EDN3: variants seen among roughly 807,000 people sequenced by gnomAD.
EDN3 encodes the protein endothelin-3.
A neutral mutation model predicts 21.4 loss-of-function variants in EDN3; 9 were observed. The ratio of observed to expected loss-of-function variants is 0.42; its 90% CI spans 0.25 to 0.73. The LOEUF (loss-of-function observed/expected upper bound fraction) is 0.73, where lower values mean the gene tolerates loss of function less well. EDN3 is among the 30% of genes least tolerant of loss of function. The pLI is 0.26. For synonymous variants in EDN3, 133 were observed against 126.2 expected (o/e 1.05, Z -0.36); for missense variants, 327 against 309.4 (o/e 1.06, Z -0.43).
chr20:59,311,889 C>A (rs1600735920), intron 2 of EDN3, among the ~76,000 whole-genome samples: 1 of 152,202 alleles, frequency 6.6e-6, no homozygotes, highest in East Asian at 1.9e-4. Context: ...GGAAGATGAG[C>A]GTATCTTTAC....
At position 59,301,311 on chromosome 20, in the gene EDN3, A is replaced by G. The variant is rs942383705; in HGVS notation, c.53-99A>G. ...GCAGAGCTTTGGAAACTTTGCAGAC[A>G]TTTTGCTTGCTCCACCCCCCTCCTC... is the stretch of plus-strand genomic sequence containing the variant. On this transcript the variant is annotated intron_variant, in intron 1 of 4. Transcript: ENST00000337938. The G allele has an allele frequency of 2.1e-5, 30 of 1,406,664 alleles. No individual in the cohort carries two copies. The Admixed American group carries it at 3.2e-4, about 15-fold the overall frequency. The allele number at this position is 1,406,664 out of a possible 1,614,324, so 87.1% of individuals were successfully genotyped here.
chr20:59,302,811 G>T (rs1317881245), intron 2 of EDN3, among the ~76,000 whole-genome samples: 1 of 152,146 alleles, frequency 6.6e-6, no homozygotes, highest in African/African-American at 2.4e-5. Flanking sequence ...CTTGATTCAG[G>T]TTCCTCACGG....
At chr20:59,321,668 C>A (rs1447311248) in intron 3 of EDN3, among the ~76,000 whole-genome samples, 1 of 152,180 alleles carries the variant, frequency 6.6e-6, no homozygotes, top group African/African-American at 2.4e-5. Flanking sequence ...TCTTTGGCCA[C>A]CCTCAGCTGG....
chr20:59,312,301 T>G (rs1193225339), intron 2 of EDN3, among the ~76,000 whole-genome samples: 2 of 152,220 alleles, frequency 1.3e-5, no homozygotes, highest in East Asian at 3.8e-4. Context: ...GGAGGGAAAC[T>G]GCTAATCTGT....
intron 2 of EDN3, among the ~76,000 whole-genome samples, chr20:59,307,151 A>T (rs2146834007): frequency 6.6e-6 from 1 of 152,298 alleles, no homozygotes; most frequent in Non-Finnish European, 1.5e-5. Context: ...TCTCAAAAAA[A>T]CAAAAGTCAC....
chr20:59,323,864 A>G, intron 4 of EDN3: 1 of 484,618 alleles, frequency 2.1e-6, no homozygotes. Flanking sequence ...AAAAGATGCA[A>G]TTGGTGGTGC....
rs997731228 is a variant in EDN3, at chr20:59,324,706, A to G, written c.*247A>G. 1.8e-6 allele frequency: 1 copy of G among 557,232 alleles called. No homozygotes were observed. Among genetic ancestry groups the G allele is most frequent in the South Asian group, 2.2e-5 (1 of 46,350 alleles). 34.5% of individuals were successfully genotyped at this position (557,232 alleles called of 1,614,324 possible). A position where few individuals can be genotyped will look rare whatever the true frequency, so the allele number is the denominator to read the frequency against. On this transcript the variant is annotated 3_prime_UTR_variant, in exon 5 of 5. Coordinates refer to ENST00000337938, the MANE Select transcript of EDN3 (RefSeq NM_207034.3). ...GCATGACGCCTGCAGCTCCGGTTTC[A>G]TGCAGGAAATTGGTTTTGGAGAGTT...
At chr20:59,306,209 G>T (rs978262913) in intron 2 of EDN3, among the ~76,000 whole-genome samples, 18 of 152,196 alleles carry the variant, frequency 1.2e-4, no homozygotes, top group African/African-American at 4.1e-4. Flanking sequence ...ACACACATGG[G>T]CTGGCAGATA....
chr20:59,306,423 C>T (rs1989411741), intron 2 of EDN3, among the ~76,000 whole-genome samples: 2 of 152,026 alleles, frequency 1.3e-5, no homozygotes, highest in Non-Finnish European at 2.9e-5. Context: ...CAGACATCAG[C>T]CGCTCCAGGA....
In EDN3 at chr20:59,313,814, C is replaced by T. The variant is rs368239697; in HGVS notation, c.366-7203C>T. 7.2e-5 allele frequency among the ~76,000 whole-genome samples: 11 copies of T among 152,292 alleles called. No individual in the cohort carries two copies. The East Asian group carries it at 9.6e-4, about 13-fold the overall frequency. ...TATAATATTCTTTAGAACCAGAAAG[C>T]GCCTGTGTGTGTTCTCTGCTTATAT... On this transcript the variant is annotated intron_variant, in intron 2 of 4. Coordinates refer to ENST00000337938, the MANE Select transcript of EDN3 (RefSeq NM_207034.3).
chr20:59,301,643 C>A lies in EDN3; in HGVS notation c.286C>A (p.Arg96Ser). The change falls in exon 2 of 5, where the codon CGC (arginine) becomes AGC (serine). Residue 96 changes from arginine (R) to serine (S), a missense_variant. Arg to Ser is a moderately radical substitution (Grantham distance 110). Transcript: ENST00000337938. ...EGAPEHHRSR[R>S]CTCFTYKDKE... ...GGCCCCTGAGCACCACCGATCCAGG[C>A]GCTGCACGTGCTTCACCTACAAGGA... The A allele has an allele frequency of 1.2e-6, 2 of 1,614,196 alleles. No homozygotes were observed. Among genetic ancestry groups the A allele is most frequent in the Non-Finnish European group, 1.7e-6 (2 of 1,180,032 alleles).
At chr20:59,300,907 A>C (rs1988960193) in intron 1 of EDN3, 43 bp downstream of exon 1, 2 of 1,603,422 alleles carry the variant, frequency 1.2e-6, no homozygotes, top group African/African-American at 1.3e-5. Flanking sequence ...GCGAGCGCAC[A>C]CAAAAGGACC....
chr20:59,301,635 G>A lies in EDN3; in HGVS notation c.278G>A (p.Arg93Gln), dbSNP rs752720292. ...GCCGAGGGGGCCCCTGAGCACCACC[G>A]ATCCAGGCGCTGCACGTGCTTCACC... ...QAAEGAPEHH[R>Q]SRRCTCFTYK... The change falls in exon 2 of 5, where the codon CGA becomes CAA. Residue 93 changes from arginine (R) to glutamine (Q), a missense_variant. Arg to Gln is a conservative substitution (Grantham distance 43). Transcript: ENST00000337938. 6.2e-7 allele frequency: 1 copy of A among 1,614,178 alleles called. No homozygotes were observed. The highest frequency in any genetic ancestry group is 8.5e-7 in the Non-Finnish European group (1 of 1,180,016).
intron 2 of EDN3, among the ~76,000 whole-genome samples, chr20:59,313,676 T>C (rs11570310): frequency 3.1e-3 from 471 of 152,344 alleles, no homozygotes; most frequent in Non-Finnish European, 4.9e-3. Flanking sequence ...GGTGGTGGGA[T>C]GAACGGTCTG....
At chr20:59,323,127 A>G (rs1229160898) in intron 4 of EDN3, among the ~76,000 whole-genome samples, 4 of 152,314 alleles carry the variant, frequency 2.6e-5, no homozygotes, top group African/African-American at 9.6e-5. Flanking sequence ...GATCGAGGGA[A>G]GATGAAACCA....
At chr20:59,323,723 G>A in intron 4 of EDN3, 1 of 401,220 alleles carries the variant, frequency 2.5e-6, no homozygotes, top group Non-Finnish European at 4.4e-6. Context: ...AGGGATTTCA[G>A]GTAGGGGAAC....
chr20:59,314,870 G>A (rs1990074244), intron 2 of EDN3, among the ~76,000 whole-genome samples: 1 of 152,204 alleles, frequency 6.6e-6, no homozygotes, highest in African/African-American at 2.4e-5. Flanking sequence ...TTGTCTCCAT[G>A]TGTTGTGCGT....
chr20:59,322,375 T>G lies in EDN3; in HGVS notation c.546T>G (p.Asn182Lys). The change falls in exon 4 of 5, where the codon AAT (asparagine) becomes AAG (lysine). Residue 182 changes from asparagine to lysine, a missense_variant. By Grantham distance (94) the Asn-to-Lys change is moderately conservative. Transcript: ENST00000337938. This position sits in a 1 kb window ranked among gnomAD's most constrained non-coding sequence, Gnocchi z 4.1. ...FCTQTLDVSS[N>K]SRTAEKTDKE... Reference sequence around the variant, plus strand: ...AAAACCAGCTCTCTCCCCACAGTAATTCAAGGACGGCAGAAAAAACAGACA... The same window carrying G: ...AAAACCAGCTCTCTCCCCACAGTAAGTCAAGGACGGCAGAAAAAACAGACA... The G allele has an allele frequency of 6.2e-7, 1 of 1,614,042 alleles. No individual in the cohort carries two copies. Among genetic ancestry groups the G allele is most frequent in the Non-Finnish European group, 8.5e-7 (1 of 1,180,022 alleles).
rs761918310 is a variant in EDN3, at chr20:59,320,981, G to C, written c.366-36G>C. ...TGGGGGCCCCTGAGCAGGGAGGCCT[G>C]GGTGTGCTCACCTAACATTACCCTG... On this transcript the variant is annotated intron_variant, in intron 2 of 4. Transcript: ENST00000337938. 5.0e-6 allele frequency: 8 copies of C among 1,613,498 alleles called. 1 individual carries two copies. In the Middle Eastern group the frequency reaches 6.7e-4, roughly 134 times the overall value.
Sources: gnomAD v4.1 joint callset for allele counts (sites outside exome capture counted in the v4.1 genomes callset) on GRCh38, gnomAD v4.1.1 for gene constraint, Gnocchi (gnomAD v3.1) non-coding constraint, MANE v1.5 for transcripts, NCBI Gene and HGNC (gene_info 2026-07-23, HGNC 2026-07-21) for gene names.